Variants in KCNQ2 observed in about 807,000 individuals in gnomAD.
KCNQ2 encodes the protein potassium voltage-gated channel subfamily Q member 2, also known as potassium voltage-gated channel subfamily KQT member 2.
In KCNQ2, 14 loss-of-function variants were observed where a neutral mutation model predicts 84.8. The observed-to-expected ratio is 0.17, with a 90% confidence interval of 0.11 to 0.26. The LOEUF is 0.26. Ranked by LOEUF, KCNQ2 falls within the 10% of genes least tolerant of loss-of-function variation. The pLI, the probability that KCNQ2 is intolerant of heterozygous loss-of-function variation, is 1.00. For synonymous variants in KCNQ2, 599 were observed against 554.1 expected, an observed-to-expected ratio of 1.08 and a Z score of -1.14; for missense variants, 788 against 1,254.0, an observed-to-expected ratio of 0.63 and a Z score of 5.61.
chr20:63,450,907 G>A (rs2081595695), intron 1 of KCNQ2, among the ~76,000 whole-genome samples: 1 of 152,104 alleles, frequency 6.6e-6, no homozygotes, highest in Non-Finnish European at 1.5e-5. Flanking sequence ...GGAGGCCGAG[G>A]CGGGCAGATC....
intron 4 of KCNQ2, 89 bp downstream of exon 4, chr20:63,444,570 G>A (rs1004951474): frequency 1.9e-5 from 23 of 1,203,616 alleles, no homozygotes; most frequent in Non-Finnish European, 2.4e-5. Context: ...GGCTCTTGAA[G>A]CAAACCCCAG....
rs374921547 is a variant in KCNQ2 at position 63,427,878 on chromosome 20, T to TGGGCCTGGGC, written c.1217+479_1217+488dup. The stretch of plus-strand genomic sequence containing the variant: ...ACATGGAACTGCTTGGGGACGGCTC[T>TGGGCCTGGGC]GGGCCTGGGCAGGCCTGGCAGGTGC... On this transcript the variant is annotated intron_variant, in intron 10 of 16. Coordinates refer to ENST00000359125, the MANE Select transcript of KCNQ2 (RefSeq NM_172107.4). 1.0e-3 allele frequency among the ~76,000 whole-genome samples: 154 copies of TGGGCCTGGGC among 152,330 alleles called. 2 individuals carry two copies. The East Asian group carries it at 0.026, about 26-fold the overall frequency.
chr20:63,421,453 G>A (rs558553363), intron 11 of KCNQ2, among the ~76,000 whole-genome samples: 10 of 152,282 alleles, frequency 6.6e-5, no homozygotes, highest in African/African-American at 2.4e-4. Flanking sequence ...TGGGGGACCC[G>A]TGCAGCTGCA....
At chr20:63,462,043 T>C (rs6122455) in intron 1 of KCNQ2, among the ~76,000 whole-genome samples, 2,110 of 34,624 alleles carry the variant, frequency 0.061, no homozygotes, top group East Asian at 0.087. Flanking sequence ...GGAGGCTGCA[T>C]CTACCCCAGG....
At position 63,438,414 on chromosome 20, in the gene KCNQ2, C is replaced by A. The variant is rs1413913857; in HGVS notation, c.1023+211G>T. 4 of 624,006 alleles carry A rather than the reference C, an allele frequency of 6.4e-6. No individual in the cohort carries two copies. The highest frequency in any genetic ancestry group is 3.7e-5 in the South Asian group (2 of 54,520). 38.7% of individuals were successfully genotyped at this position (624,006 alleles called of 1,614,324 possible). A position where few individuals can be genotyped will look rare whatever the true frequency, so the allele number is the denominator to read the frequency against. ...GGCAAGGGCCACCCCAGCGTCCTCA[C>A]ACGAGCCACCCCTGTGCAGCCTCAG... On this transcript the variant is annotated intron_variant, in intron 7 of 16. Coordinates refer to ENST00000359125, the MANE Select transcript of KCNQ2 (RefSeq NM_172107.4). This position sits in a 1 kb window ranked among gnomAD's most constrained non-coding sequence, Gnocchi z 5.1.
intron 11 of KCNQ2, among the ~76,000 whole-genome samples, chr20:63,420,784 C>A (rs1399095792): frequency 5.9e-5 from 9 of 152,152 alleles, no homozygotes; most frequent in African/African-American, 1.9e-4. Context: ...CGGCTTCCAC[C>A]CCAGCCCCCG....
At position 63,446,848 on chromosome 20, in the gene KCNQ2, G is replaced by A; in HGVS notation, c.297-11C>T. 2 of 1,612,092 alleles carry A rather than the reference G, an allele frequency of 1.2e-6. No homozygotes were observed. The highest frequency in any genetic ancestry group is 2.2e-5 in the South Asian group (2 of 91,050). ...AAAACCAGGAGGAACCTGGGGGCAG[G>A]GAACGCGCGCTCTCAGACAGGCCGC... On this transcript the variant is annotated splice_polypyrimidine_tract_variant and intron_variant, in intron 1 of 16. Coordinates refer to ENST00000359125, the MANE Select transcript of KCNQ2 (RefSeq NM_172107.4). The surrounding 1 kb of genome is among the most constrained non-coding windows in gnomAD (Gnocchi z 5.5).
At chr20:63,411,690 TG>T (rs1433772557) in intron 15 of KCNQ2, 1 of 532,892 alleles carries the variant, frequency 1.9e-6, no homozygotes, top group Non-Finnish European at 3.4e-6. Context: ...GGGGAAAGGG[TG>T]GTACAAGGTG....
chr20:63,464,392 C>T (rs2082031730), intron 1 of KCNQ2, among the ~76,000 whole-genome samples: 1 of 152,080 alleles, frequency 6.6e-6, no homozygotes, highest in African/African-American at 2.4e-5. Flanking sequence ...CAGCCCCTCA[C>T]CTGGCACGGG....
chr20:63,411,254 GAC>G (rs1193675200), intron 15 of KCNQ2, among the ~76,000 whole-genome samples: 1 of 152,168 alleles, frequency 6.6e-6, no homozygotes, highest in Non-Finnish European at 1.5e-5. Flanking sequence ...AGAGGGAAGA[GAC>G]ACAGAGATGC....
In KCNQ2 at chr20:63,444,646, G is replaced by T; in HGVS notation, c.690+13C>A. 2 of 1,540,656 alleles carry T rather than the reference G, an allele frequency of 1.3e-6. No individual in the cohort carries two copies. Among genetic ancestry groups the T allele is most frequent in the Non-Finnish European group, 1.8e-6 (2 of 1,137,824 alleles). On this transcript the variant is annotated intron_variant, in intron 4 of 16. Transcript: ENST00000359125. ...TGGGGGCGCCCACCGCCAGCCTTGGGGCCGTGACTCACCTTGCTGTGGGCA... is the reference window on the plus strand; with the variant it reads ...TGGGGGCGCCCACCGCCAGCCTTGGTGCCGTGACTCACCTTGCTGTGGGCA...
At chr20:63,445,935 A>G (rs55702731) in intron 2 of KCNQ2, among the ~76,000 whole-genome samples, 7 of 28,112 alleles carry the variant, frequency 2.5e-4, no homozygotes, top group Admixed American at 8.2e-4. Flanking sequence ...GAGCTGGGGG[A>G]CCCTGTCTGA....
At chr20:63,421,452 C>T (rs2080467800) in intron 11 of KCNQ2, among the ~76,000 whole-genome samples, 1 of 152,188 alleles carries the variant, frequency 6.6e-6, no homozygotes, top group South Asian at 2.1e-4. Flanking sequence ...GTGGGGGACC[C>T]GTGCAGCTGC....
At chr20:63,444,045 C>T (rs2081342484) in intron 4 of KCNQ2, among the ~76,000 whole-genome samples, 1 of 152,222 alleles carries the variant, frequency 6.6e-6, no homozygotes, top group Non-Finnish European at 1.5e-5. Flanking sequence ...GGGGGCTGAC[C>T]CCTGCCCATT....
intron 1 of KCNQ2, among the ~76,000 whole-genome samples, chr20:63,452,241 G>C (rs1379614878): frequency 6.6e-6 from 1 of 152,254 alleles, no homozygotes; most frequent in Non-Finnish European, 1.5e-5. Flanking sequence ...CCCAAGTTCA[G>C]ATTCTACCCA....
intron 1 of KCNQ2, among the ~76,000 whole-genome samples, chr20:63,470,277 A>C (rs4809306): frequency 6.7e-6 from 1 of 149,692 alleles, no homozygotes; most frequent in Admixed American, 6.6e-5. Context: ...ACAGCAAAGG[A>C]GCTGAGGAGA....
chr20:63,464,750 A>C (rs1189815476), intron 1 of KCNQ2, among the ~76,000 whole-genome samples: 5 of 152,194 alleles, frequency 3.3e-5, no homozygotes, highest in African/African-American at 1.2e-4. Flanking sequence ...GGCCCTGCTG[A>C]CTTAGAAACA....
intron 12 of KCNQ2, among the ~76,000 whole-genome samples, chr20:63,415,931 T>C (rs920210851): frequency 2.6e-5 from 4 of 151,964 alleles, no homozygotes; most frequent in Non-Finnish European, 4.4e-5. Context: ...AACAAGGACA[T>C]TGGGGGCCAA....
In KCNQ2 at chr20:63,400,410, C is replaced by G; in HGVS notation, c.*6234G>C. The G allele has an allele frequency of 2.5e-6, 1 of 394,198 alleles. No homozygotes were observed. Among genetic ancestry groups the G allele is most frequent in the Non-Finnish European group, 4.5e-6 (1 of 223,752 alleles). The allele number at this position is 394,198 out of a possible 1,614,324, so 24.4% of individuals were successfully genotyped here. ...CCGTGTGAGTAAGTTAATATCTCAG[C>G]TAATCTGTTAGAAAACTAGAGTTCA... On this transcript the variant is annotated 3_prime_UTR_variant, in exon 17 of 17. Transcript: ENST00000359125. This position sits in a 1 kb window ranked among gnomAD's most constrained non-coding sequence, Gnocchi z 8.7.
Sources: gnomAD v4.1 joint callset for allele counts (sites outside exome capture counted in the v4.1 genomes callset) on GRCh38, gnomAD v4.1.1 for gene constraint, Gnocchi (gnomAD v3.1) non-coding constraint, MANE v1.5 for transcripts, NCBI Gene and HGNC (gene_info 2026-07-23, HGNC 2026-07-21) for gene names.